WDFY3: variants seen among roughly 807,000 people sequenced by gnomAD.
WDFY3 encodes the protein WD repeat and FYVE domain containing 3, also known as WD repeat and FYVE domain-containing protein 3.
WDFY3 carries 66 observed loss-of-function variants against 409.6 expected under a neutral mutation model. The ratio of observed to expected loss-of-function variants is 0.16; its 90% CI spans 0.13 to 0.20. The LOEUF is 0.20. Ranked by LOEUF, WDFY3 falls within the 10% of genes least tolerant of loss-of-function variation. WDFY3 has a pLI of 1.00. For missense variants in WDFY3, 3,031 were observed against 4,298.1 expected, an observed-to-expected ratio of 0.71 and a Z score of 8.24; for synonymous variants, 1,521 against 1,537.1, an observed-to-expected ratio of 0.99 and a Z score of 0.25.
rs1224408170 is a variant in WDFY3, at chr4:84,860,599, G to T, written c.-8C>A. The T allele has an allele frequency of 6.3e-7, 1 of 1,592,492 alleles. No homozygotes were observed. The highest frequency in any genetic ancestry group is 8.6e-7 in the Non-Finnish European group (1 of 1,165,424). On this transcript the variant is annotated 5_prime_UTR_variant, in exon 4 of 68. Coordinates refer to ENST00000295888, the MANE Select transcript of WDFY3 (RefSeq NM_014991.6). ...CCTCTTCACCATGTTCATCTTGGCT[G>T]GTTGGTGAGACGCACTTCTAATTCT...
intron 44 of WDFY3, among the ~76,000 whole-genome samples, chr4:84,729,886 A>T (rs1736299656): frequency 2.6e-5 from 4 of 152,192 alleles, no homozygotes; most frequent in Admixed American, 2.6e-4. Flanking sequence ...TCTCTTTTAA[A>T]TATCAAGAGG....
At chr4:84,753,620 T>G in intron 35 of WDFY3, 77 bp downstream of exon 35, 1 of 1,419,606 alleles carries the variant, frequency 7.0e-7, no homozygotes, top group Non-Finnish European at 9.3e-7. Flanking sequence ...AAAAAAAATC[T>G]GCTAACCATT....
intron 1 of WDFY3, among the ~76,000 whole-genome samples, chr4:84,941,567 G>A (rs937143075): frequency 2.0e-5 from 3 of 151,960 alleles, no homozygotes; most frequent in Non-Finnish European, 2.9e-5. Context: ...CTATGTTCAT[G>A]GATTTGGAGG....
intron 36 of WDFY3, 137 bp downstream of exon 36, chr4:84,751,346 T>C (rs1347316220): frequency 3.3e-6 from 3 of 895,854 alleles, no homozygotes; most frequent in Non-Finnish European, 3.4e-6. Flanking sequence ...TTAAGAACTT[T>C]CCACAGCCTA....
intron 64 of WDFY3, 82 bp downstream of exon 64, chr4:84,682,292 T>G: frequency 1.5e-6 from 2 of 1,327,642 alleles, no homozygotes; most frequent in Non-Finnish European, 2.1e-6. Flanking sequence ...CTCCTCTTTA[T>G]GTTGTTTGGT....
chr4:84,746,145 C>CAAA (rs761664622), intron 36 of WDFY3, among the ~76,000 whole-genome samples: 6 of 60,634 alleles, frequency 9.9e-5, no homozygotes, highest in Non-Finnish European at 9.9e-5. Context: ...CTGTCTCTAC[C>CAAA]AAAAAAAAAA....
Position 84,672,969 on chromosome 4 carries a change from T to C in WDFY3, c.10480A>G (p.Ile3494Val). ...CQKCSRFQSE[I>V]KRLKISSPVR... ...GGGGATGAGATTTTCAAGCGTTTGA[T>C]TTCAGATTGAAAGCGACTGCACCTA... The change falls in exon 68 of 68, where the codon ATC (isoleucine) becomes GTC (valine). Residue 3494 changes from isoleucine (I) to valine (V), a missense_variant. By Grantham distance (29) the Ile-to-Val change is conservative (BLOSUM62 3). Around this residue, in one of 16 missense-constraint regions of WDFY3, gnomAD observed 378 missense variants for 477.3 expected, o/e 0.79. Transcript: ENST00000295888. The C allele has an allele frequency of 3.1e-6, 5 of 1,614,092 alleles. No homozygotes were observed. Among genetic ancestry groups the C allele is most frequent in the Non-Finnish European group, 4.2e-6 (5 of 1,179,996 alleles).
At chr4:84,769,515 C>T (rs180931837) in intron 30 of WDFY3, among the ~76,000 whole-genome samples, 102 of 151,938 alleles carry the variant, frequency 6.7e-4, no homozygotes, top group African/African-American at 2.3e-3. Flanking sequence ...CCTGGGTTAA[C>T]GCCATTCTCC....
intron 10 of WDFY3, 120 bp from the exon 11 acceptor site, chr4:84,821,671 C>T: frequency 1.2e-6 from 1 of 847,122 alleles, no homozygotes; most frequent in Non-Finnish European, 1.8e-6. Context: ...AAGAACATAA[C>T]CCTGTTTTCA....
intron 32 of WDFY3, among the ~76,000 whole-genome samples, chr4:84,762,553 T>C (rs907946935): frequency 7.9e-5 from 12 of 151,664 alleles, no homozygotes; most frequent in Admixed American, 5.3e-4. Context: ...GCATGTCACA[T>C]GTATACATAT....
chr4:84,841,317 G>T, intron 5 of WDFY3, 54 bp from the exon 6 acceptor site: 1 of 1,484,572 alleles, frequency 6.7e-7, no homozygotes. Context: ...ATATAAAGAG[G>T]TTCTTCTTTA....
chr4:84,783,150 A>C, intron 24 of WDFY3, 76 bp from the exon 25 acceptor site: 1 of 1,293,354 alleles, frequency 7.7e-7, no homozygotes, highest in South Asian at 1.3e-5. Flanking sequence ...GAAACCAAAC[A>C]CATGAATGGT....
At chr4:84,905,067 TAC>T (rs752232073) in intron 2 of WDFY3, among the ~76,000 whole-genome samples, 56 of 137,348 alleles carry the variant, frequency 4.1e-4, no homozygotes, top group Non-Finnish European at 6.6e-4. Context: ...GGCTGGTCCC[TAC>T]ACACACCTGT....
At chr4:84,889,693 G>A (rs886878052) in intron 3 of WDFY3, among the ~76,000 whole-genome samples, 1 of 152,100 alleles carries the variant, frequency 6.6e-6, no homozygotes, top group African/African-American at 2.4e-5. Context: ...ACTACCCTAA[G>A]CTACATTTTC....
In WDFY3 at chr4:84,721,393, T is replaced by C. The variant is rs2149085973; in HGVS notation, c.7605+16A>G. On this transcript the variant is annotated intron_variant, in intron 47 of 67. Transcript: ENST00000295888. ...ACTGAAGTATTTACAATCCTTACTTTTCAGAAGCACAATACCTTTTCTCCT... is the reference window on the plus strand; with the variant it reads ...ACTGAAGTATTTACAATCCTTACTTCTCAGAAGCACAATACCTTTTCTCCT... 1 of 1,612,638 alleles carries C rather than the reference T, an allele frequency of 6.2e-7. No individual in the cohort carries two copies. The highest frequency in any genetic ancestry group is 8.5e-7 in the Non-Finnish European group (1 of 1,179,714).
chr4:84,933,767 G>A (rs1771062859), intron 1 of WDFY3, among the ~76,000 whole-genome samples: 1 of 152,036 alleles, frequency 6.6e-6, no homozygotes, highest in Non-Finnish European at 1.5e-5. Context: ...AATGAGTGAA[G>A]ACATGCAAAG....
chr4:84,770,926 G>T (rs1744575989), intron 30 of WDFY3, among the ~76,000 whole-genome samples: 1 of 152,114 alleles, frequency 6.6e-6, no homozygotes, highest in South Asian at 2.1e-4. Flanking sequence ...AACAAGACTA[G>T]CAATTTGCTT....
intron 3 of WDFY3, among the ~76,000 whole-genome samples, chr4:84,879,702 G>A (rs1763236786): frequency 6.6e-6 from 1 of 151,922 alleles, no homozygotes; most frequent in African/African-American, 2.4e-5. Flanking sequence ...GCTAGAAATT[G>A]GGAGAGAAAT....
chr4:84,725,904 G>A (rs561456207), intron 45 of WDFY3, among the ~76,000 whole-genome samples: 1 of 152,196 alleles, frequency 6.6e-6, no homozygotes, highest in South Asian at 2.1e-4. Context: ...CAGGTACAGA[G>A]CAAGGAAATA....
Sources: allele counts gnomAD v4.1 joint callset (sites outside exome capture counted in the v4.1 genomes callset), GRCh38; gene constraint gnomAD v4.1.1; regional missense constraint gnomAD v4.1.1; transcripts MANE v1.5; gene names NCBI Gene and HGNC (gene_info 2026-07-23, HGNC 2026-07-21).